ZMAT2: variants seen among roughly 807,000 people sequenced by gnomAD.
ZMAT2 encodes the protein zinc finger matrin-type protein 2.
Under a neutral mutation model 27.5 loss-of-function variants are expected in ZMAT2, and 5 were observed. That is an observed-to-expected ratio of 0.18 (90% CI 0.10 to 0.38). The LOEUF is 0.38. Among genes scored for constraint, ZMAT2 ranks in the 10% least tolerant of loss-of-function variants. The probability of loss-of-function intolerance (pLI) is 1.00; values close to 1 mark genes in which losing one functional copy is unlikely to be tolerated. For missense variants in ZMAT2, 124 were observed against 243.9 expected (o/e 0.51, Z 3.27); for synonymous variants, 76 against 78.6 (o/e 0.97, Z 0.17).
chr5:140,702,388 C>A (rs1354300266), intron 3 of ZMAT2, among the ~76,000 whole-genome samples: 1 of 152,106 alleles, frequency 6.6e-6, no homozygotes, highest in African/African-American at 2.4e-5. Flanking sequence ...GTATTCCCAG[C>A]ACTTTGGGAG....
intron 5 of ZMAT2, among the ~76,000 whole-genome samples, chr5:140,705,343 G>T (rs570948232): frequency 1.3e-5 from 2 of 150,586 alleles, no homozygotes. Flanking sequence ...AACTGCAAGA[G>T]GAATTAACTA....
At chr5:140,700,499 G>A (rs771985710) in intron 1 of ZMAT2, 21 bp downstream of exon 1, 23 of 1,612,868 alleles carry the variant, frequency 1.4e-5, no homozygotes, top group Non-Finnish European at 1.9e-5. Flanking sequence ...TGTCTGAGGA[G>A]GAGGTTTTGC....
intron 3 of ZMAT2, 80 bp from the exon 4 acceptor site, chr5:140,703,838 C>A: frequency 7.4e-7 from 1 of 1,343,930 alleles, no homozygotes; most frequent in South Asian, 1.2e-5. Context: ...AGAAGTTTAC[C>A]TAAAAATTTG....
In ZMAT2 at chr5:140,705,699, T is replaced by C; in HGVS notation, c.543T>C (p.Asp181=). The part of the protein sequence containing the change: ...AEEDLTFEED[D]EMAAVMGFSG... ...AGGACTTGACATTTGAGGAGGACGA[T>C]GAGATGGCAGCTGTGATGGGCTTCT... is the stretch of plus-strand genomic sequence containing the variant. The change falls in exon 6 of 6, where the codon GAT becomes GAC. Residue 181 remains aspartate (D), a synonymous_variant. Coordinates refer to ENST00000274712, the MANE Select transcript of ZMAT2 (RefSeq NM_144723.3). 6.2e-7 allele frequency: 1 copy of C among 1,613,906 alleles called. No homozygotes were observed. Among genetic ancestry groups the C allele is most frequent in the Non-Finnish European group, 8.5e-7 (1 of 1,179,870 alleles).
chr5:140,701,732 T>G (rs1413554483), intron 2 of ZMAT2, among the ~76,000 whole-genome samples: 2 of 152,248 alleles, frequency 1.3e-5, no homozygotes, highest in African/African-American at 4.8e-5. Flanking sequence ...TCTTCAGAAA[T>G]TCTCCCCCAC....
At position 140,702,049 on chromosome 5, in the gene ZMAT2, G is replaced by A. The variant is rs764700140; in HGVS notation, c.156G>A (p.Arg52=). 7 of 1,613,110 alleles carry A rather than the reference G, an allele frequency of 4.3e-6. No individual in the cohort carries two copies. The highest frequency in any genetic ancestry group is 1.7e-5 in the Admixed American group (1 of 59,880). Residue 52 remains arginine (R), a synonymous_variant, in exon 3 of 6, where the codon AGG becomes AGA. Transcript: ENST00000274712. ...TCAAGCGAGAGCTTTTACGGCATAG[G>A]GACTACAAGGTGGACTTGGAATCCA... ...QPVKRELLRH[R]DYKVDLESKL... is the part of the protein sequence containing the mutation.
rs186955873 is a variant in ZMAT2, at chr5:140,703,480, C to G, written c.237-438C>G. On this transcript the variant is annotated intron_variant, in intron 3 of 5. Coordinates refer to ENST00000274712, the MANE Select transcript of ZMAT2 (RefSeq NM_144723.3). ...AACTCCCGACCTCAGGTGATCCGCC[C>G]GCCTCGGCCTCCCAAAGTGCTGGGA... Among the ~76,000 whole-genome samples the G allele has an allele frequency of 2.5e-3, 382 of 152,104 alleles. 2 individuals are homozygous for G. Among genetic ancestry groups the G allele is most frequent in the African/African-American group, 8.9e-3 (368 of 41,494 alleles).
At chr5:140,705,537 C>G (rs1458270773) in intron 5 of ZMAT2, 76 bp from the exon 6 acceptor site, 9 of 1,507,578 alleles carry the variant, frequency 6.0e-6, no homozygotes, top group Non-Finnish European at 8.0e-6. Context: ...ACTGCATGCC[C>G]CAGAATGTTA....
At chr5:140,703,056 T>C (rs1393811778) in intron 3 of ZMAT2, among the ~76,000 whole-genome samples, 2 of 152,104 alleles carry the variant, frequency 1.3e-5, no homozygotes, top group South Asian at 2.1e-4. Context: ...GTGGCTTACC[T>C]AGGTGGTTCT....
At chr5:140,700,769 C>T (rs765696658) in intron 1 of ZMAT2, 50 bp from the exon 2 acceptor site, 1 of 1,599,644 alleles carries the variant, frequency 6.3e-7, no homozygotes. Context: ...CCCTGCTTCT[C>T]TAGGGGCCCA....
At chr5:140,702,217 T>A in intron 3 of ZMAT2, 88 bp downstream of exon 3, 3 of 1,509,612 alleles carry the variant, frequency 2.0e-6, no homozygotes, top group Non-Finnish European at 2.7e-6. Context: ...AGGAAGGTCC[T>A]TGGCCCCAGG....
chr5:140,700,572 G>C, intron 1 of ZMAT2, 94 bp downstream of exon 1: 1 of 1,595,444 alleles, frequency 6.3e-7, no homozygotes, highest in East Asian at 2.2e-5. Context: ...CTGGCTTCCC[G>C]ATATCTCCTC....
chr5:140,702,438 C>G (rs1759978459), intron 3 of ZMAT2, among the ~76,000 whole-genome samples: 1 of 152,054 alleles, frequency 6.6e-6, no homozygotes, highest in Non-Finnish European at 1.5e-5. Context: ...GAATTCAAGA[C>G]CAGCCTGGGT....
chr5:140,704,375 G>T (rs746134704), intron 4 of ZMAT2, 51 bp from the exon 5 acceptor site: 8 of 1,559,342 alleles, frequency 5.1e-6, no homozygotes, highest in East Asian at 2.3e-5. Flanking sequence ...ATTTTTGAGG[G>T]GCTGAGGATG....
Position 140,705,729 on chromosome 5 carries a change from C to G in ZMAT2, c.573C>G (p.Gly191=), listed in dbSNP as rs1049427294. ...TGGCAGCTGTGATGGGCTTCTCTGG[C>G]TTTGGTTCCACCAAGAAGAGTTACT... The part of the protein sequence containing the change: ...DEMAAVMGFS[G]FGSTKKSY Residue 191 remains glycine (G), a synonymous_variant, in exon 6 of 6, where the codon GGC becomes GGG. Coordinates refer to ENST00000274712, the MANE Select transcript of ZMAT2 (RefSeq NM_144723.3). 1 of 1,614,058 alleles carries G rather than the reference C, an allele frequency of 6.2e-7. No homozygotes were observed. The highest frequency in any genetic ancestry group is 8.5e-7 in the Non-Finnish European group (1 of 1,179,960).
In ZMAT2 at chr5:140,700,451, C is replaced by T. The variant is rs1759936219; in HGVS notation, c.-10C>T. ...GCGTTTTTCAGCTCGCCATTCACTT[C>T]GCTGTGAAGATGGCGTCGGGCAGCG... On this transcript the variant is annotated 5_prime_UTR_variant, in exon 1 of 6. Transcript: ENST00000274712. The T allele has an allele frequency of 1.2e-6, 2 of 1,612,866 alleles. No homozygotes were observed. Among genetic ancestry groups the T allele is most frequent in the Non-Finnish European group, 1.7e-6 (2 of 1,179,862 alleles).
intron 2 of ZMAT2, 133 bp downstream of exon 2, chr5:140,701,045 G>A: frequency 2.4e-6 from 2 of 823,746 alleles, no homozygotes; most frequent in South Asian, 1.8e-5. Context: ...CTGGGCCTAG[G>A]TTTCTGCATT....
chr5:140,700,482 G>A lies in ZMAT2; in HGVS notation c.18+4G>A, dbSNP rs1434619191. ...GAAGATGGCGTCGGGCAGCGGGGTA[G>A]GTGTTGTGTCTGAGGAGGAGGTTTT... On this transcript the variant is annotated splice_donor_region_variant and intron_variant, in intron 1 of 5. Coordinates refer to ENST00000274712, the MANE Select transcript of ZMAT2 (RefSeq NM_144723.3). The A allele has an allele frequency of 1.2e-6, 2 of 1,613,106 alleles. No homozygotes were observed. The highest frequency in any genetic ancestry group is 1.7e-6 in the Non-Finnish European group (2 of 1,179,972).
rs1345127587 is a variant in ZMAT2 at position 140,705,841 on chromosome 5, G to A, written c.*85G>A. 6.5e-7 allele frequency: 1 copy of A among 1,531,944 alleles called. No individual in the cohort carries two copies. The highest frequency in any genetic ancestry group is 8.8e-7 in the Non-Finnish European group (1 of 1,136,626). The allele number at this position is 1,531,944 out of a possible 1,614,324, so 94.9% of individuals were successfully genotyped here. On this transcript the variant is annotated 3_prime_UTR_variant, in exon 6 of 6. Transcript: ENST00000274712. ...GTGTAGTAGGGGGTCATTTCTTTTT[G>A]GGTAATGGGAAAGTTCTTAAGAGTG... is the stretch of plus-strand genomic sequence containing the variant.
Sources: gnomAD v4.1 joint callset for allele counts (sites outside exome capture counted in the v4.1 genomes callset) on GRCh38, gnomAD v4.1.1 for gene constraint, MANE v1.5 for transcripts, NCBI Gene and HGNC (gene_info 2026-07-23, HGNC 2026-07-21) for gene names.